The following CMC1 variants were observed in gnomAD, a reference collection of about 807,000 sequenced individuals.
CMC1 encodes COX assembly mitochondrial protein homolog.
A neutral mutation model predicts 14.1 loss-of-function variants in CMC1; 14 were observed. The observed-to-expected ratio is 0.99, with a 90% confidence interval of 0.66 to 1.55. The LOEUF (loss-of-function observed/expected upper bound fraction) is 1.55. Among genes scored for constraint, CMC1 ranks in the 40% most tolerant of loss-of-function variants. CMC1 has a pLI of 0.00. For synonymous variants in CMC1, 50 were observed against 38.4 expected (o/e 1.30, Z -1.12); for missense variants, 127 against 123.8 (o/e 1.03, Z -0.12).
intron 2 of CMC1, among the ~76,000 whole-genome samples, chr3:28,301,655 T>A (rs1277806006): frequency 2.0e-5 from 3 of 151,768 alleles, no homozygotes; most frequent in Admixed American, 2.0e-4. Context: ...AAATAGGAGA[T>A]GCTAATGTTT....
Position 28,263,683 on chromosome 3 carries a change from G to T in CMC1, c.109+303G>T, listed in dbSNP as rs988124334. Among the ~76,000 whole-genome samples the T allele has an allele frequency of 4.6e-5, 7 of 152,116 alleles. 1 individual carries two copies. The highest frequency in any genetic ancestry group is 6.5e-5 in the Admixed American group (1 of 15,270). On this transcript the variant is annotated intron_variant, in intron 2 of 3. Transcript: ENST00000466830. Reference sequence around the variant, plus strand: ...ATTTGGAGAAACAAGTTACTCTTACGATTTTTATAGGGGAGGAAGAAACAT... The same window carrying T: ...ATTTGGAGAAACAAGTTACTCTTACTATTTTTATAGGGGAGGAAGAAACAT...
chr3:28,261,118 C>T (rs1699714424), intron 1 of CMC1, among the ~76,000 whole-genome samples: 1 of 151,316 alleles, frequency 6.6e-6, no homozygotes, highest in East Asian at 1.9e-4. Flanking sequence ...TTTTAACGAA[C>T]TTAAATATAT....
In CMC1 at chr3:28,322,073, AGT is replaced by A. The variant is rs1288035746; in HGVS notation, c.*2447_*2448del. 1 of 151,316 alleles carries A rather than the reference AGT, an allele frequency of 6.6e-6. No individual in the cohort carries two copies. The highest frequency in any genetic ancestry group is 2.4e-5 in the African/African-American group (1 of 41,342). 9.4% of individuals were successfully genotyped at this position (151,316 alleles called of 1,614,324 possible). ...AATTTTACCTAGAACAGAGATATCA[AGT>A]GTAGATTTAAAAGCTTCTAGCTGGG... On this transcript the variant is annotated 3_prime_UTR_variant, in exon 4 of 4. Transcript: ENST00000466830.
intron 2 of CMC1, among the ~76,000 whole-genome samples, chr3:28,297,814 G>A (rs944826098): frequency 1.3e-5 from 2 of 151,990 alleles, no homozygotes; most frequent in African/African-American, 4.8e-5. Flanking sequence ...AGTAACAGCT[G>A]TACCTTTAAA....
chr3:28,311,165 C>CTT (rs879658154), intron 2 of CMC1, among the ~76,000 whole-genome samples: 2 of 146,250 alleles, frequency 1.4e-5, no homozygotes, highest in Admixed American at 6.8e-5. Flanking sequence ...CTGTGGTACT[C>CTT]TTTTTTTTTT....
chr3:28,241,873 CATGCGGGCT>C, intron 1 of CMC1, 61 bp downstream of exon 1: 1 of 1,232,482 alleles, frequency 8.1e-7, no homozygotes, highest in Non-Finnish European at 1.0e-6. Context: ...CGCCGCGGGC[CATGCGGGCT>C]GGATGCCGAC....
chr3:28,300,763 T>C (rs1702001677), intron 2 of CMC1, among the ~76,000 whole-genome samples: 1 of 149,350 alleles, frequency 6.7e-6, no homozygotes, highest in Admixed American at 6.7e-5. Context: ...CCTTTTTTTT[T>C]CATAATATTC....
At position 28,255,902 on chromosome 3, in the gene CMC1, A is replaced by AT. The variant is rs552786161; in HGVS notation, c.20-7382dup. Among the ~76,000 whole-genome samples, 30 of 152,178 alleles carry AT rather than the reference A, an allele frequency of 2.0e-4. No homozygotes were observed. In the East Asian group the frequency reaches 3.3e-3, roughly 17 times the overall value. On this transcript the variant is annotated intron_variant, in intron 1 of 3. Transcript: ENST00000466830. ...AAAGTCATGTGAACACCTTCATATC[A>AT]TTTTTTTGTTTGAAAATTAAGGCGA...
chr3:28,289,465 A>G (rs1701357813), intron 2 of CMC1, among the ~76,000 whole-genome samples: 1 of 152,106 alleles, frequency 6.6e-6, no homozygotes, highest in Non-Finnish European at 1.5e-5. Context: ...GGTTAGTTTA[A>G]TTATATAAAA....
chr3:28,323,959 C>G lies in CMC1; in HGVS notation c.*4330C>G. The G allele has an allele frequency of 6.9e-7, 1 of 1,445,348 alleles. No homozygotes were observed. The highest frequency in any genetic ancestry group is 9.4e-7 in the Non-Finnish European group (1 of 1,067,784). The allele number at this position is 1,445,348 out of a possible 1,614,324, so 89.5% of individuals were successfully genotyped here. On this transcript the variant is annotated 3_prime_UTR_variant, in exon 4 of 4. Coordinates refer to ENST00000466830, the MANE Select transcript of CMC1 (RefSeq NM_182523.2). ...TCTGCAAAATTTTAATCAAAATCTC[C>G]TTTCAGTTTGTTAAATAATTTCTTG...
At chr3:28,300,043 CTTA>C (rs1242255110) in intron 2 of CMC1, among the ~76,000 whole-genome samples, 4 of 152,124 alleles carry the variant, frequency 2.6e-5, no homozygotes, top group African/African-American at 7.2e-5. Flanking sequence ...GGATACTATA[CTTA>C]TTAAGTGTCT....
At chr3:28,287,207 C>G (rs1701231260) in intron 2 of CMC1, among the ~76,000 whole-genome samples, 1 of 152,092 alleles carries the variant, frequency 6.6e-6, no homozygotes. Context: ...TTCATGAATC[C>G]TCTCTACGTT....
intron 1 of CMC1, among the ~76,000 whole-genome samples, chr3:28,243,213 G>A (rs1698625665): frequency 6.6e-6 from 1 of 151,866 alleles, no homozygotes; most frequent in Non-Finnish European, 1.5e-5. Flanking sequence ...CCGCCACCAC[G>A]GCCGGCTAAT....
At chr3:28,252,994 G>T (rs939306265) in intron 1 of CMC1, among the ~76,000 whole-genome samples, 2 of 149,414 alleles carry the variant, frequency 1.3e-5, no homozygotes, top group Non-Finnish European at 3.0e-5. Context: ...GTCAGTTCTA[G>T]TATGGCTTGA....
chr3:28,313,002 G>A (rs375388479), intron 2 of CMC1, among the ~76,000 whole-genome samples: 8 of 152,044 alleles, frequency 5.3e-5, no homozygotes, highest in East Asian at 3.9e-4. Flanking sequence ...GATTACAGGC[G>A]CCTGCCACCA....
chr3:28,288,212 A>G (rs2125540265), intron 2 of CMC1, among the ~76,000 whole-genome samples: 1 of 152,212 alleles, frequency 6.6e-6, no homozygotes, highest in African/African-American at 2.4e-5. Context: ...ATATGTCTTT[A>G]TTTTATTAAA....
intron 3 of CMC1, chr3:28,318,124 TTTG>T (rs1703015359): frequency 6.6e-6 from 1 of 152,000 alleles, no homozygotes. Context: ...GGTGTTCTGC[TTTG>T]TTAATTACTA....
intron 2 of CMC1, among the ~76,000 whole-genome samples, chr3:28,283,953 G>A (rs968920992): frequency 1.3e-5 from 2 of 152,126 alleles, no homozygotes; most frequent in Non-Finnish European, 2.9e-5. Flanking sequence ...TTAAATTTAG[G>A]ATATGTTGCA....
rs145845156 is a variant in CMC1 at position 28,270,671 on chromosome 3, A to G, written c.109+7291A>G. 7.7e-3 allele frequency among the ~76,000 whole-genome samples: 1,164 copies of G among 152,008 alleles called. 14 individuals carry two copies. Among genetic ancestry groups the G allele is most frequent in the African/African-American group, 0.026 (1,074 of 41,454 alleles). ...TATTAGACCTTTGTCAGATGGGTAG[A>G]TTGCCAAAATTTTCTCCCATTCTTT... On this transcript the variant is annotated intron_variant, in intron 2 of 3. Transcript: ENST00000466830.
Sources: gnomAD v4.1 joint callset for allele counts (sites outside exome capture counted in the v4.1 genomes callset) on GRCh38, gnomAD v4.1.1 for gene constraint, MANE v1.5 for transcripts, NCBI Gene and HGNC (gene_info 2026-07-23, HGNC 2026-07-21) for gene names.